Variants in ARB2A observed in about 807,000 individuals in gnomAD.
ARB2A encodes the protein cotranscriptional regulator ARB2A.
chr5:93,948,131 A>C, the ARB2A span, among the ~76,000 whole-genome samples: 1 of 152,180 alleles, frequency 6.6e-6, no homozygotes, highest in Non-Finnish European at 1.5e-5. Flanking sequence ...TCCCAACAAC[A>C]GTGTAAAAGT....
chr5:93,877,901 T>A, the ARB2A span, among the ~76,000 whole-genome samples: 1 of 152,166 alleles, frequency 6.6e-6, no homozygotes, highest in East Asian at 1.9e-4. Flanking sequence ...CTGGCTGTAC[T>A]CTTAAGAGCA....
the ARB2A span, among the ~76,000 whole-genome samples, chr5:94,094,169 A>G: frequency 6.6e-6 from 1 of 152,350 alleles, no homozygotes; most frequent in East Asian, 1.9e-4. Context: ...ACAAAACTGC[A>G]TAGACTGGGT....
chr5:93,648,767 C>T, the ARB2A span, among the ~76,000 whole-genome samples: 6 of 152,322 alleles, frequency 3.9e-5, no homozygotes, highest in Non-Finnish European at 8.8e-5. Flanking sequence ...GCTACCCTAT[C>T]AATATGCTTG....
the ARB2A span, among the ~76,000 whole-genome samples, chr5:93,681,073 T>C: frequency 1.3e-5 from 2 of 152,152 alleles, no homozygotes; most frequent in African/African-American, 4.8e-5. Context: ...TAATGTGTAG[T>C]GTATCTCCAA....
chr5:93,776,097 C>T, the ARB2A span: 3 of 1,286,402 alleles, frequency 2.3e-6, no homozygotes, highest in Non-Finnish European at 3.3e-6. Context: ...TTCTACATTT[C>T]ATTAGCATAT....
chr5:93,769,382 A>G, the ARB2A span, among the ~76,000 whole-genome samples: 1 of 152,218 alleles, frequency 6.6e-6, no homozygotes, highest in Non-Finnish European at 1.5e-5. Context: ...ATTACATATA[A>G]CAGAAATTAT....
chr5:93,866,096 G>A, the ARB2A span: 4 of 984,712 alleles, frequency 4.1e-6, no homozygotes, highest in Non-Finnish European at 4.8e-6. Context: ...GTTAAAATGT[G>A]ATAAAAGGTT....
At chr5:93,873,471 A>G in the ARB2A span, among the ~76,000 whole-genome samples, 2 of 152,008 alleles carry the variant, frequency 1.3e-5, no homozygotes, top group African/African-American at 4.8e-5. Context: ...GGGGAAAGGG[A>G]AAGGAGAAAA....
chr5:93,939,270 A>G, the ARB2A span, among the ~76,000 whole-genome samples: 5 of 152,238 alleles, frequency 3.3e-5, no homozygotes, highest in East Asian at 1.9e-4. Flanking sequence ...GTGTGTAATC[A>G]TGAATGTTTC....
At chr5:93,962,118 G>A in the ARB2A span, among the ~76,000 whole-genome samples, 5 of 152,162 alleles carry the variant, frequency 3.3e-5, no homozygotes, top group Non-Finnish European at 5.9e-5. Context: ...AATTTATTAA[G>A]CTAAGCTTTC....
the ARB2A span, among the ~76,000 whole-genome samples, chr5:94,007,174 A>G: frequency 6.6e-6 from 1 of 152,202 alleles, no homozygotes; most frequent in South Asian, 2.1e-4. Context: ...GATTGGGACC[A>G]CTATCTTTAT....
chr5:93,787,016 A>G, the ARB2A span, among the ~76,000 whole-genome samples: 1 of 152,308 alleles, frequency 6.6e-6, no homozygotes, highest in East Asian at 1.9e-4. Flanking sequence ...GTCCTTCTAT[A>G]TAACAATCTA....
the ARB2A span, among the ~76,000 whole-genome samples, chr5:94,073,444 G>A: frequency 4.6e-5 from 7 of 152,022 alleles, no homozygotes; most frequent in African/African-American, 1.4e-4. Flanking sequence ...TTCATGTTAA[G>A]AAGGAAAACC....
the ARB2A span, chr5:93,860,542 T>C: frequency 3.3e-5 from 5 of 151,324 alleles, no homozygotes; most frequent in African/African-American, 9.7e-5. Context: ...TAGTAAACTA[T>C]AATGAAAAGG....
At chr5:93,855,150 G>A in the ARB2A span, among the ~76,000 whole-genome samples, 14 of 152,164 alleles carry the variant, frequency 9.2e-5, no homozygotes, top group East Asian at 1.4e-3. Flanking sequence ...TCCTGTATTG[G>A]GTGCATATAT....
chr5:93,747,419 C>T, the ARB2A span, among the ~76,000 whole-genome samples: 1 of 151,982 alleles, frequency 6.6e-6, no homozygotes, highest in Non-Finnish European at 1.5e-5. Flanking sequence ...AAAATGAACT[C>T]TTATTTTAAC....
At chr5:93,688,631 T>C in the ARB2A span, among the ~76,000 whole-genome samples, 1 of 152,194 alleles carries the variant, frequency 6.6e-6, no homozygotes, top group Admixed American at 6.5e-5. Flanking sequence ...CCTCAGCCAA[T>C]ATATTTAATA....
the ARB2A span, among the ~76,000 whole-genome samples, chr5:93,705,218 GCA>G: frequency 6.6e-6 from 1 of 152,158 alleles, no homozygotes; most frequent in Non-Finnish European, 1.5e-5. Context: ...TTAATTCCAA[GCA>G]CAAAATATTT....
At chr5:93,624,391 T>A in the ARB2A span, among the ~76,000 whole-genome samples, 58 of 152,288 alleles carry the variant, frequency 3.8e-4, 1 homozygote, top group East Asian at 0.011. Flanking sequence ...ATTTTCCTAA[T>A]TTAGAGAGTT....
Sources: allele counts gnomAD v4.1 joint callset (sites outside exome capture counted in the v4.1 genomes callset), GRCh38; gene constraint gnomAD v4.1.1; transcripts MANE v1.5; gene names NCBI Gene and HGNC (gene_info 2026-07-23, HGNC 2026-07-21).